PCYT1A: variants seen among roughly 807,000 people sequenced by gnomAD.
The protein encoded by PCYT1A is choline-phosphate cytidylyltransferase A.
A neutral mutation model predicts 43.7 loss-of-function variants in PCYT1A; 25 were observed. The observed-to-expected ratio is 0.57, with a 90% CI of 0.42 to 0.80. The LOEUF is 0.80. Among genes scored for constraint, PCYT1A ranks in the 30% least tolerant of loss-of-function variants. The probability of loss-of-function intolerance (pLI) is 0.00; values close to 1 mark genes in which losing one functional copy is unlikely to be tolerated. For synonymous variants in PCYT1A, 172 were observed against 170.7 expected, an observed-to-expected ratio of 1.01 and a Z score of -0.06; for missense variants, 421 against 474.2, an observed-to-expected ratio of 0.89 and a Z score of 1.04.
At chr3:196,272,279 G>A (rs549777617) in intron 1 of PCYT1A, among the ~76,000 whole-genome samples, 1 of 151,882 alleles carries the variant, frequency 6.6e-6, no homozygotes, top group East Asian at 1.9e-4. Flanking sequence ...CCGCCTCCCA[G>A]GTTCAAGCGA....
chr3:196,269,473 C>CA, intron 2 of PCYT1A, among the ~76,000 whole-genome samples: 1 of 152,216 alleles, frequency 6.6e-6, no homozygotes, highest in East Asian at 1.9e-4. Flanking sequence ...ATATTAACAA[C>CA]AGTAGCTTCA....
chr3:196,279,499 T>C (rs1349949040), intron 1 of PCYT1A, among the ~76,000 whole-genome samples: 1 of 152,168 alleles, frequency 6.6e-6, no homozygotes, highest in Non-Finnish European at 1.5e-5. Context: ...AAATACAGAA[T>C]GCAGTATCTG....
At chr3:196,245,143 C>A (rs1000547835) in intron 5 of PCYT1A, among the ~76,000 whole-genome samples, 1 of 142,102 alleles carries the variant, frequency 7.0e-6, no homozygotes, top group African/African-American at 2.6e-5. Context: ...CATTTCACTA[C>A]TTTTTTTTTT....
intron 7 of PCYT1A, chr3:196,240,050 G>A (rs1033606612): frequency 6.6e-5 from 20 of 301,378 alleles, no homozygotes; most frequent in Non-Finnish European, 8.0e-5. Context: ...ATAAACATGC[G>A]CAGCATGGCC....
chr3:196,251,919 T>G (rs912104193), intron 3 of PCYT1A, among the ~76,000 whole-genome samples: 1 of 152,220 alleles, frequency 6.6e-6, no homozygotes, highest in Admixed American at 6.5e-5. Context: ...TCACTTGATT[T>G]GATTTTTTGA....
chr3:196,273,673 G>T lies in PCYT1A; in HGVS notation c.-10-3132C>A, dbSNP rs1467438142. 6.6e-6 allele frequency among the ~76,000 whole-genome samples: 1 copy of T among 152,200 alleles called. No individual in the cohort carries two copies. ...TGGAGTGGGAAGCTCCTATCCGCAG[G>T]CAGGTCATCCCATCAAGTATGGCTG... On this transcript the variant is annotated intron_variant, in intron 1 of 8. Transcript: ENST00000431016. This position sits in a 1 kb window ranked among gnomAD's most constrained non-coding sequence, Gnocchi z 4.1.
At chr3:196,265,238 T>C (rs1458093926) in intron 2 of PCYT1A, among the ~76,000 whole-genome samples, 1 of 151,874 alleles carries the variant, frequency 6.6e-6, no homozygotes, top group Non-Finnish European at 1.5e-5. Context: ...TAATTTTTTT[T>C]TGTATTTTTA....
chr3:196,243,946 C>T (rs1236717243), intron 5 of PCYT1A, among the ~76,000 whole-genome samples: 1 of 152,110 alleles, frequency 6.6e-6, no homozygotes, highest in East Asian at 1.9e-4. Flanking sequence ...AGCCTCTGCC[C>T]GGCCGCCACC....
At chr3:196,255,751 T>G (rs917181434) in intron 3 of PCYT1A, among the ~76,000 whole-genome samples, 6 of 152,234 alleles carry the variant, frequency 3.9e-5, no homozygotes, top group African/African-American at 1.4e-4. Flanking sequence ...TCAAATTTTA[T>G]GTACCACAAA....
rs759039449 is a variant in PCYT1A at position 196,248,306 on chromosome 3, C to T, written c.235G>A (p.Val79Ile). The T allele has an allele frequency of 1.9e-6, 3 of 1,606,934 alleles. No individual in the cohort carries two copies. Among genetic ancestry groups the T allele is most frequent in the Non-Finnish European group, 2.6e-6 (3 of 1,173,496 alleles). Residue 79 changes from valine to isoleucine, a missense_variant, in exon 4 of 9, where the codon GTT becomes ATT. Val to Ile is a conservative substitution (Grantham distance 29). Around this residue, in one of 3 missense-constraint regions of PCYT1A, gnomAD observed 139 missense variants for 117.7 expected, o/e 1.18. Transcript: ENST00000431016. ...RGTPCERPVR[V>I]YADGIFDLFH... ...AAGTCAAATATTCCATCGGCATAAA[C>T]TCTCACAGGTCGCTCACCTAAATCC...
At chr3:196,246,533 G>C (rs1033600353) in intron 5 of PCYT1A, among the ~76,000 whole-genome samples, 1 of 152,102 alleles carries the variant, frequency 6.6e-6, no homozygotes, top group Non-Finnish European at 1.5e-5. Context: ...ACTGCACCTG[G>C]CTGAAATCTG....
intron 5 of PCYT1A, among the ~76,000 whole-genome samples, chr3:196,243,539 C>T (rs1560162427): frequency 6.6e-6 from 1 of 151,770 alleles, no homozygotes; most frequent in African/African-American, 2.4e-5. Context: ...CCTCTCCCCA[C>T]GGTCTCCCTC....
chr3:196,248,298 G>T lies in PCYT1A; in HGVS notation c.243C>A (p.Ala81=). 6.2e-7 allele frequency: 1 copy of T among 1,610,682 alleles called. No individual in the cohort carries two copies. Among genetic ancestry groups the T allele is most frequent in the South Asian group, 1.1e-5 (1 of 91,002 alleles). ...TPCERPVRVY[A]DGIFDLFHSG... is the part of the protein sequence containing the mutation. ...AGTGAAATAAGTCAAATATTCCATC[G>T]GCATAAACTCTCACAGGTCGCTCAC... The change falls in exon 4 of 9, where the codon GCC becomes GCA. Residue 81 remains alanine, a synonymous_variant. Transcript: ENST00000431016.
intron 3 of PCYT1A, among the ~76,000 whole-genome samples, chr3:196,249,925 A>T (rs1724695324): frequency 6.6e-6 from 1 of 151,700 alleles, no homozygotes; most frequent in African/African-American, 2.4e-5. Context: ...AGGACCAGAT[A>T]CACTATACTG....
At chr3:196,260,061 T>A (rs1474369098) in intron 2 of PCYT1A, among the ~76,000 whole-genome samples, 2 of 151,526 alleles carry the variant, frequency 1.3e-5, no homozygotes, top group African/African-American at 4.8e-5. Flanking sequence ...TAGCTGGGAT[T>A]GCAGGCATGC....
chr3:196,273,808 G>A lies in PCYT1A; in HGVS notation c.-10-3267C>T, dbSNP rs1256769974. Among the ~76,000 whole-genome samples, 1 of 152,212 alleles carries A rather than the reference G, an allele frequency of 6.6e-6. No homozygotes were observed. The highest frequency in any genetic ancestry group is 6.5e-5 in the Admixed American group (1 of 15,290). ...TCGTAAGTTCTCATTCCAGTCCACA[G>A]AACTGGCAGCCTGGGCCCCAGGCTT... On this transcript the variant is annotated intron_variant, in intron 1 of 8. Coordinates refer to ENST00000431016, the MANE Select transcript of PCYT1A (RefSeq NM_001312673.2). The surrounding 1 kb of genome is among the most constrained non-coding windows in gnomAD (Gnocchi z 4.1).
At chr3:196,248,832 C>CTACA (rs1329717808) in intron 3 of PCYT1A, among the ~76,000 whole-genome samples, 1 of 151,992 alleles carries the variant, frequency 6.6e-6, no homozygotes, top group African/African-American at 2.4e-5. Flanking sequence ...TCTCGGCTCA[C>CTACA]TACAACCTGC....
At position 196,238,164 on chromosome 3, in the gene PCYT1A, T is replaced by C. The variant is rs371496072; in HGVS notation, c.*524A>G. ...CTGTAACTCTGCTTTTCGCTTTTCC[T>C]TAAGGAAATCAAAATTAAGATATTT... On this transcript the variant is annotated 3_prime_UTR_variant, in exon 9 of 9. Transcript: ENST00000431016. The C allele has an allele frequency of 2.6e-5, 4 of 152,752 alleles. No individual in the cohort carries two copies. The highest frequency in any genetic ancestry group is 9.6e-5 in the African/African-American group (4 of 41,562). The allele number at this position is 152,752 out of a possible 1,614,324, so 9.5% of individuals were successfully genotyped here. A position where few individuals can be genotyped will look rare whatever the true frequency, so the allele number is the denominator to read the frequency against.
intron 5 of PCYT1A, among the ~76,000 whole-genome samples, chr3:196,246,402 T>C (rs1336125161): frequency 7.0e-6 from 1 of 143,698 alleles, no homozygotes; most frequent in Non-Finnish European, 1.5e-5. Context: ...AACCTGTGGC[T>C]TTTTTTTTTT....
Sources: allele counts gnomAD v4.1 joint callset (sites outside exome capture counted in the v4.1 genomes callset), GRCh38; gene constraint gnomAD v4.1.1; regional missense constraint gnomAD v4.1.1; non-coding constraint Gnocchi (gnomAD v3.1); transcripts MANE v1.5; gene names NCBI Gene and HGNC (gene_info 2026-07-23, HGNC 2026-07-21).